Variants in ELMO1 observed in about 807,000 individuals in gnomAD.
ELMO1 encodes engulfment and cell motility 1, also known as engulfment and cell motility protein 1.
A neutral mutation model predicts 98.9 loss-of-function variants in ELMO1; 26 were observed. The observed-to-expected ratio is 0.26, with a 90% CI of 0.19 to 0.36. The LOEUF (loss-of-function observed/expected upper bound fraction) is 0.36. ELMO1 is among the 10% of genes least tolerant of loss of function. The pLI is 1.00. For missense variants in ELMO1, 627 were observed against 935.2 expected, an observed-to-expected ratio of 0.67 and a Z score of 4.30; for synonymous variants, 346 against 346.0, an observed-to-expected ratio of 1.00 and a Z score of 0.00.
Position 37,430,085 on chromosome 7 carries a change from C to T in ELMO1, c.-74+18590G>A, listed in dbSNP as rs982492312. Among the ~76,000 whole-genome samples, 5 of 152,190 alleles carry T rather than the reference C, an allele frequency of 3.3e-5. No individual in the cohort carries two copies. The South Asian group carries it at 6.2e-4, about 19-fold the overall frequency. The stretch of plus-strand genomic sequence containing the variant: ...ATAGCTGAGAAAAATTTGGCATTGA[C>T]GGAGAGCACAGACAACAGTTAGGTT... On this transcript the variant is annotated intron_variant, in intron 1 of 21. Transcript: ENST00000310758.
chr7:37,110,792 C>T (rs1247441977), intron 14 of ELMO1, among the ~76,000 whole-genome samples: 3 of 152,128 alleles, frequency 2.0e-5, no homozygotes, highest in Non-Finnish European at 4.4e-5. Flanking sequence ...CTGTGGCTCT[C>T]CCCAGCCATG....
At chr7:36,932,991 G>A (rs748537212) in intron 16 of ELMO1, among the ~76,000 whole-genome samples, 3 of 152,174 alleles carry the variant, frequency 2.0e-5, no homozygotes, top group Admixed American at 6.5e-5. Flanking sequence ...CTCAGAGATC[G>A]TGTAGAGACT....
At chr7:36,882,229 A>G (rs1326904148) in intron 18 of ELMO1, among the ~76,000 whole-genome samples, 4 of 152,232 alleles carry the variant, frequency 2.6e-5, no homozygotes, top group Non-Finnish European at 5.9e-5. Flanking sequence ...ATGTCTTTAG[A>G]ACACTTCCAT....
chr7:37,210,018 CAAT>C (rs1180397824), intron 13 of ELMO1, among the ~76,000 whole-genome samples: 2 of 151,998 alleles, frequency 1.3e-5, no homozygotes, highest in African/African-American at 2.4e-5. Context: ...ACTATAAAAA[CAAT>C]AACTGGACAG....
At chr7:36,993,932 T>C (rs1235883255) in intron 16 of ELMO1, among the ~76,000 whole-genome samples, 1 of 152,226 alleles carries the variant, frequency 6.6e-6, no homozygotes, top group East Asian at 1.9e-4. Context: ...CTTGAATAAG[T>C]GCTCTTGCTT....
intron 14 of ELMO1, among the ~76,000 whole-genome samples, chr7:37,102,578 G>T (rs939670224): frequency 2.6e-5 from 4 of 152,186 alleles, no homozygotes; most frequent in African/African-American, 9.6e-5. Flanking sequence ...GCAGCAAAAG[G>T]CAACAAACAG....
At chr7:36,875,545 A>C (rs979941971) in intron 19 of ELMO1, among the ~76,000 whole-genome samples, 1 of 152,196 alleles carries the variant, frequency 6.6e-6, no homozygotes, top group South Asian at 2.1e-4. Context: ...AGTTGCTAAG[A>C]GTTTTGGAGG....
chr7:37,309,998 G>A (rs1005842762), intron 4 of ELMO1, among the ~76,000 whole-genome samples: 2 of 152,162 alleles, frequency 1.3e-5, no homozygotes, highest in Non-Finnish European at 2.9e-5. Flanking sequence ...CAAATCCAAG[G>A]GAGTGCACAA....
intron 13 of ELMO1, among the ~76,000 whole-genome samples, chr7:37,208,468 G>A (rs1792764544): frequency 6.6e-6 from 1 of 152,232 alleles, no homozygotes; most frequent in African/African-American, 2.4e-5. Flanking sequence ...TTTCTTCAAA[G>A]TGATCCAAAA....
At chr7:37,333,458 C>T (rs1800239045) in intron 2 of ELMO1, among the ~76,000 whole-genome samples, 1 of 152,114 alleles carries the variant, frequency 6.6e-6, no homozygotes, top group Non-Finnish European at 1.5e-5. Context: ...CCACCAGCAC[C>T]CACCTACAGA....
At chr7:37,419,669 G>T in intron 1 of ELMO1, 1 of 153,894 alleles carries the variant, frequency 6.5e-6, no homozygotes, top group Non-Finnish European at 1.5e-5. Context: ...TACACTGACT[G>T]AAGCAGAGAA....
intron 1 of ELMO1, among the ~76,000 whole-genome samples, chr7:37,398,468 GAAAGCGA>G (rs1270299588): frequency 6.6e-6 from 1 of 152,192 alleles, no homozygotes; most frequent in African/African-American, 2.4e-5. Context: ...GGAGGAACCA[GAAAGCGA>G]TGGATTCACT....
intron 16 of ELMO1, among the ~76,000 whole-genome samples, chr7:36,930,631 A>T (rs549550422): frequency 6.6e-6 from 1 of 152,260 alleles, no homozygotes; most frequent in Non-Finnish European, 1.5e-5. Context: ...GGATAAAATC[A>T]TCTTCTACAG....
chr7:37,101,413 C>A (rs1160846329), intron 14 of ELMO1, among the ~76,000 whole-genome samples: 1 of 152,184 alleles, frequency 6.6e-6, no homozygotes, highest in East Asian at 1.9e-4. Flanking sequence ...GACCGAGAGA[C>A]AGCTAGCGCT....
At chr7:37,255,900 G>C (rs76680174) in intron 6 of ELMO1, among the ~76,000 whole-genome samples, 1 of 152,194 alleles carries the variant, frequency 6.6e-6, no homozygotes, top group Admixed American at 6.5e-5. Flanking sequence ...GAAGCCGTGG[G>C]GGGTATGTAG....
chr7:37,142,591 G>C (rs1355622324), intron 13 of ELMO1, among the ~76,000 whole-genome samples: 2 of 152,160 alleles, frequency 1.3e-5, no homozygotes, highest in Non-Finnish European at 2.9e-5. Context: ...CAGTTTAGAA[G>C]TTGAATGCGT....
intron 1 of ELMO1, among the ~76,000 whole-genome samples, chr7:37,408,007 T>C (rs1803842933): frequency 6.6e-6 from 1 of 152,198 alleles, no homozygotes; most frequent in Non-Finnish European, 1.5e-5. Flanking sequence ...TTAAAAATAG[T>C]AACTTCAAAA....
intron 6 of ELMO1, among the ~76,000 whole-genome samples, chr7:37,257,783 C>T (rs578035901): frequency 4.2e-4 from 63 of 151,174 alleles, no homozygotes; most frequent in African/African-American, 1.3e-3. Context: ...GGGCGGATCA[C>T]GAGGTCAAGA....
chr7:36,908,154 A>G (rs1784092434), intron 16 of ELMO1, among the ~76,000 whole-genome samples: 1 of 152,222 alleles, frequency 6.6e-6, no homozygotes, highest in African/African-American at 2.4e-5. Flanking sequence ...ACCTCTGACA[A>G]TGATGTGCTG....
Sources: gnomAD v4.1 joint callset for allele counts (sites outside exome capture counted in the v4.1 genomes callset) on GRCh38, gnomAD v4.1.1 for gene constraint, MANE v1.5 for transcripts, NCBI Gene and HGNC (gene_info 2026-07-23, HGNC 2026-07-21) for gene names.